Variants in RBM33 observed in about 807,000 individuals in gnomAD.
RBM33 encodes RNA-binding protein 33.
RBM33 carries 28 observed loss-of-function variants against 132.6 expected under a neutral mutation model. The ratio of observed to expected loss-of-function variants is 0.21; its 90% confidence interval spans 0.16 to 0.29. The LOEUF is 0.29. Ranked by LOEUF, RBM33 falls within the 10% of genes least tolerant of loss-of-function variation. The pLI, the probability that RBM33 is intolerant of heterozygous loss-of-function variation, is 1.00. For synonymous variants in RBM33, 634 were observed against 593.0 expected (o/e 1.07, Z -1.01); for missense variants, 1,291 against 1,518.5 (o/e 0.85, Z 2.49).
In RBM33 at chr7:155,741,912, C is replaced by G. The variant is rs749310922; in HGVS notation, c.2143C>G (p.Pro715Ala). ...NSNLRELPIAPSHVIEMSSSR... is the reference protein window; with the variant it reads ...NSNLRELPIAASHVIEMSSSR... Reference sequence around the variant, plus strand: ...CAATTTGCGTGAATTACCCATAGCGCCGTCACACGTGATAGAAATGAGCAG... The same window carrying G: ...CAATTTGCGTGAATTACCCATAGCGGCGTCACACGTGATAGAAATGAGCAG... Residue 715 changes from proline to alanine, a missense_variant, in exon 13 of 18, where the codon CCG becomes GCG. Pro to Ala is a conservative substitution (Grantham distance 27). Coordinates refer to ENST00000401878, the MANE Select transcript of RBM33 (RefSeq NM_053043.3). The G allele has an allele frequency of 9.3e-6, 15 of 1,613,894 alleles. No homozygotes were observed. Among genetic ancestry groups the G allele is most frequent in the Admixed American group, 5.0e-5 (3 of 60,008 alleles).
At chr7:155,718,958 C>T (rs913124466) in intron 9 of RBM33, among the ~76,000 whole-genome samples, 2 of 152,168 alleles carry the variant, frequency 1.3e-5, no homozygotes, top group African/African-American at 4.8e-5. Flanking sequence ...TATTCTCTCT[C>T]TCTCTCTCTC....
chr7:155,684,433 A>G (rs1040612814), intron 5 of RBM33, among the ~76,000 whole-genome samples: 1 of 152,140 alleles, frequency 6.6e-6, no homozygotes, highest in Non-Finnish European at 1.5e-5. Context: ...CTTAAGTTTC[A>G]TACAAAACCT....
intron 1 of RBM33, among the ~76,000 whole-genome samples, chr7:155,649,465 A>G (rs182224512): frequency 6.6e-6 from 1 of 152,310 alleles, no homozygotes; most frequent in East Asian, 1.9e-4. Flanking sequence ...ATTGTATCCT[A>G]ATTTATGTTA....
At position 155,721,269 on chromosome 7, in the gene RBM33, A is replaced by C. The variant is rs114275865; in HGVS notation, c.1260+2826A>C. On this transcript the variant is annotated intron_variant, in intron 9 of 17. Transcript: ENST00000401878. The stretch of plus-strand genomic sequence containing the variant: ...CCGGTCATCCTGTGCTCGGTGGTGC[A>C]CTTAGCCACAGGCCCTGTGCAGAGA... 9.2e-3 allele frequency among the ~76,000 whole-genome samples: 1,399 copies of C among 152,248 alleles called. 16 individuals are homozygous for C. Among genetic ancestry groups the C allele is most frequent in the African/African-American group, 0.032 (1,320 of 41,544 alleles).
At chr7:155,680,465 T>A (rs970105948) in intron 4 of RBM33, 125 bp from the exon 5 acceptor site, 1 of 720,336 alleles carries the variant, frequency 1.4e-6, no homozygotes, top group Non-Finnish European at 2.2e-6. Flanking sequence ...TGTGCATTTG[T>A]CAGTAACTGG....
In RBM33 at chr7:155,738,186, C is replaced by T. The variant is rs1391992429; in HGVS notation, c.1520C>T (p.Thr507Ile). ...CCTACTCAGAGTCCTCTACCATTCA[C>T]TCAGCCAGGACCAGCATTTAATCAG... ...PVPTQSPLPF[T>I]QPGPAFNQQG... Residue 507 changes from threonine to isoleucine, a missense_variant, in exon 11 of 18, where the codon ACT becomes ATT. Around this residue, in one of 7 missense-constraint regions of RBM33, gnomAD observed 841 missense variants for 912.0 expected, o/e 0.92. Coordinates refer to ENST00000401878, the MANE Select transcript of RBM33 (RefSeq NM_053043.3). 2 of 1,613,902 alleles carry T rather than the reference C, an allele frequency of 1.2e-6. No individual in the cohort carries two copies. The highest frequency in any genetic ancestry group is 1.7e-6 in the Non-Finnish European group (2 of 1,179,904).
At chr7:155,741,039 T>C (rs1801315459) in intron 12 of RBM33, among the ~76,000 whole-genome samples, 1 of 152,230 alleles carries the variant, frequency 6.6e-6, no homozygotes, top group East Asian at 1.9e-4. Flanking sequence ...TATTTGCCTC[T>C]TTCTTTCTTA....
intron 4 of RBM33, 72 bp from the exon 5 acceptor site, chr7:155,680,518 A>G (rs957242075): frequency 1.9e-6 from 2 of 1,069,858 alleles, no homozygotes; most frequent in Non-Finnish European, 2.6e-6. Flanking sequence ...TGTAACAGCT[A>G]TTTATATAAT....
intron 1 of RBM33, among the ~76,000 whole-genome samples, chr7:155,662,359 T>TGA (rs1798675542): frequency 3.3e-5 from 5 of 152,204 alleles, no homozygotes; most frequent in Admixed American, 3.3e-4. Flanking sequence ...GCAGCTCATC[T>TGA]ACATTCTGGC....
rs1283545845 is a variant in RBM33, at chr7:155,779,013, T to C, written c.*3972T>C. On this transcript the variant is annotated 3_prime_UTR_variant, in exon 18 of 18. Coordinates refer to ENST00000401878, the MANE Select transcript of RBM33 (RefSeq NM_053043.3). ...GAGGACTGCCAGCTCTTAAGAAACA[T>C]TCCTGGTGCGGTGTCTGCAGTGCCC... The C allele has an allele frequency of 6.6e-6, 1 of 152,352 alleles. No homozygotes were observed. The highest frequency in any genetic ancestry group is 1.5e-5 in the Non-Finnish European group (1 of 68,060). 9.4% of individuals were successfully genotyped at this position (152,352 alleles called of 1,614,324 possible).
chr7:155,758,162 A>G (rs1801912977), intron 14 of RBM33, among the ~76,000 whole-genome samples: 1 of 152,238 alleles, frequency 6.6e-6, no homozygotes, highest in South Asian at 2.1e-4. Flanking sequence ...TTCAACAGAT[A>G]TGAGCTATGG....
At chr7:155,694,876 C>CT (rs2116947595) in intron 5 of RBM33, among the ~76,000 whole-genome samples, 1 of 152,196 alleles carries the variant, frequency 6.6e-6, no homozygotes, top group East Asian at 1.9e-4. Flanking sequence ...TATTACCCAT[C>CT]TTTTTGTGGA....
intron 1 of RBM33, among the ~76,000 whole-genome samples, chr7:155,664,951 A>T (rs1482300956): frequency 2.0e-5 from 3 of 151,218 alleles, no homozygotes; most frequent in Non-Finnish European, 2.9e-5. Context: ...GTGATTTTTC[A>T]TGCCCAATAA....
rs1421586760 is a variant in RBM33 at position 155,661,146 on chromosome 7, A to ATATATATATTTT, written c.44-4028_44-4027insATATATATTTTT. On this transcript the variant is annotated intron_variant, in intron 1 of 17. Transcript: ENST00000401878. ...TGTGTGTGTGTATATATATATATAT[A>ATATATATATTTT]TTTTTTTTTTTTTGAGACAGAGTCT... is the stretch of plus-strand genomic sequence containing the variant. Among the ~76,000 whole-genome samples, 494 of 81,054 alleles carry ATATATATATTTT rather than the reference A, an allele frequency of 6.1e-3. 10 individuals carry two copies. Among genetic ancestry groups the ATATATATATTTT allele is most frequent in the East Asian group, 0.012 (32 of 2,756 alleles). The allele number at this position is 81,054 out of a possible 152,430, so 53.2% of individuals were successfully genotyped here.
chr7:155,669,865 T>G (rs114036900), intron 2 of RBM33, among the ~76,000 whole-genome samples: 7 of 152,158 alleles, frequency 4.6e-5, no homozygotes, highest in African/African-American at 1.2e-4. Flanking sequence ...CTCCTCCTAC[T>G]TGGTGACGTT....
At chr7:155,698,135 G>A (rs1183481644) in intron 5 of RBM33, among the ~76,000 whole-genome samples, 3 of 152,274 alleles carry the variant, frequency 2.0e-5, no homozygotes, top group Admixed American at 6.5e-5. Context: ...CTGGGAGGCC[G>A]AGGTCGGTAG....
intron 6 of RBM33, among the ~76,000 whole-genome samples, chr7:155,706,119 T>G (rs1250308209): frequency 6.6e-6 from 1 of 152,230 alleles, no homozygotes; most frequent in Non-Finnish European, 1.5e-5. Flanking sequence ...TATTAATAGC[T>G]CTACTGGCTT....
chr7:155,760,497 G>A (rs1801998967), intron 14 of RBM33, among the ~76,000 whole-genome samples: 1 of 152,196 alleles, frequency 6.6e-6, no homozygotes, highest in African/African-American at 2.4e-5. Flanking sequence ...TTGGTGTGAA[G>A]TGTTCGCGCT....
At chr7:155,767,109 G>T (rs1420550498) in intron 16 of RBM33, among the ~76,000 whole-genome samples, 1 of 152,218 alleles carries the variant, frequency 6.6e-6, no homozygotes, top group Admixed American at 6.5e-5. Context: ...ATCTTGGATT[G>T]TATCTTCATC....
Sources: allele counts gnomAD v4.1 joint callset (sites outside exome capture counted in the v4.1 genomes callset), GRCh38; gene constraint gnomAD v4.1.1; regional missense constraint gnomAD v4.1.1; transcripts MANE v1.5; gene names NCBI Gene and HGNC (gene_info 2026-07-23, HGNC 2026-07-21).